The following CORO1A variants were observed in gnomAD, a reference collection of about 807,000 sequenced individuals.
The protein encoded by CORO1A is coronin-1A.
In CORO1A, 17 loss-of-function variants were observed where a neutral mutation model predicts 44.1. The observed-to-expected ratio is 0.39, with a 90% CI of 0.26 to 0.58. The LOEUF (loss-of-function observed/expected upper bound fraction) is 0.58. Among genes scored for constraint, CORO1A ranks in the 20% least tolerant of loss-of-function variants. CORO1A has a pLI of 0.62. For synonymous variants in CORO1A, 271 were observed against 244.2 expected, an observed-to-expected ratio of 1.11 and a Z score of -1.02; for missense variants, 415 against 606.5, an observed-to-expected ratio of 0.68 and a Z score of 3.32.
chr16:30,187,291 C>T, intron 5 of CORO1A, 68 bp downstream of exon 5: 1 of 1,604,786 alleles, frequency 6.2e-7, no homozygotes, highest in Non-Finnish European at 8.5e-7. Flanking sequence ...ATCAGCCAGG[C>T]CCTTGGATGC....
rs771491737 is a variant in CORO1A, at chr16:30,185,272, C to A, written c.63C>A (p.Ala21=). The change falls in exon 2 of 11, where the codon GCC becomes GCA. Residue 21 remains alanine (A), a synonymous_variant. Transcript: ENST00000219150. ...ACGTGTTTGGACAGCCGGCCAAGGC[C>A]GACCAGTGCTATGAAGATGTGCGCG... is the stretch of plus-strand genomic sequence containing the variant. The part of the protein sequence containing the change: ...FRHVFGQPAK[A]DQCYEDVRVS... The A allele has an allele frequency of 2.9e-5, 47 of 1,614,092 alleles. No homozygotes were observed. Among genetic ancestry groups the A allele is most frequent in the Middle Eastern group, 1.6e-4 (1 of 6,084 alleles).
At position 30,186,699 on chromosome 16, in the gene CORO1A, C is replaced by T. The variant is rs1398159089; in HGVS notation, c.300C>T (p.Gly100=). 3.7e-6 allele frequency: 6 copies of T among 1,612,638 alleles called. No individual in the cohort carries two copies. The highest frequency in any genetic ancestry group is 5.1e-6 in the Non-Finnish European group (6 of 1,179,782). The change falls in exon 3 of 11, where the codon GGC becomes GGT. Residue 100 remains glycine (G), a synonymous_variant. Coordinates refer to ENST00000219150, the MANE Select transcript of CORO1A (RefSeq NM_007074.4). Reference sequence around the variant, plus strand: ...ACAATGACAACGTCATTGCCAGTGGCTCCGAGGACTGCACAGTCATGGTGA... The same window carrying T: ...ACAATGACAACGTCATTGCCAGTGGTTCCGAGGACTGCACAGTCATGGTGA... ...CPHNDNVIAS[G]SEDCTVMVWE... is the part of the protein sequence containing the mutation.
chr16:30,185,977 T>A (rs2151062086), intron 2 of CORO1A: 1 of 195,224 alleles, frequency 5.1e-6, no homozygotes, highest in Non-Finnish European at 1.1e-5. Flanking sequence ...CCCAAGTTGT[T>A]ACCTTAAAAG....
At chr16:30,188,641 C>T in intron 10 of CORO1A, 65 bp downstream of exon 10, 1 of 1,215,466 alleles carries the variant, frequency 8.2e-7, no homozygotes, top group Non-Finnish European at 1.2e-6. Flanking sequence ...GTTTGGGGCA[C>T]CTCAAACTCA....
chr16:30,185,268 A>T lies in CORO1A; in HGVS notation c.59A>T (p.Lys20Met). 1 of 1,614,196 alleles carries T rather than the reference A, an allele frequency of 6.2e-7. No individual in the cohort carries two copies. The highest frequency in any genetic ancestry group is 8.5e-7 in the Non-Finnish European group (1 of 1,180,022). The stretch of plus-strand genomic sequence containing the variant: ...CGCCACGTGTTTGGACAGCCGGCCA[A>T]GGCCGACCAGTGCTATGAAGATGTG... ...KFRHVFGQPA[K>M]ADQCYEDVRV... The change falls in exon 2 of 11, where the codon AAG (lysine) becomes ATG (methionine). Residue 20 changes from lysine to methionine, a missense_variant. Physicochemically the swap from Lys to Met is moderately conservative, Grantham distance 95. Transcript: ENST00000219150.
chr16:30,187,013 C>T (rs1809405132), intron 4 of CORO1A, 26 bp from the exon 5 acceptor site: 1 of 1,613,700 alleles, frequency 6.2e-7, no homozygotes, highest in South Asian at 1.1e-5. Context: ...AGGCTCATGG[C>T]TTCTGACACT....
chr16:30,186,745 G>T, intron 3 of CORO1A, 25 bp downstream of exon 3: 1 of 1,610,428 alleles, frequency 6.2e-7, no homozygotes, highest in African/African-American at 1.3e-5. Context: ...GGACCCAGGG[G>T]CTGGGAGAGG....
chr16:30,187,512 G>C lies in CORO1A; in HGVS notation c.756+11G>C, dbSNP rs760892904. On this transcript the variant is annotated intron_variant, in intron 6 of 10. Transcript: ENST00000219150. ...GCGCTGTGGGACACAGTGAGTGCTGGGGCAGGAAGCCGAGGGCCCCCAGGC... is the reference window on the plus strand; with the variant it reads ...GCGCTGTGGGACACAGTGAGTGCTGCGGCAGGAAGCCGAGGGCCCCCAGGC... 5 of 1,600,674 alleles carry C rather than the reference G, an allele frequency of 3.1e-6. No individual in the cohort carries two copies. In the South Asian group the frequency reaches 3.3e-5, roughly 11 times the overall value.
At chr16:30,188,642 C>T (rs2073379933) in intron 10 of CORO1A, 66 bp downstream of exon 10, 1 of 1,199,582 alleles carries the variant, frequency 8.3e-7, no homozygotes, top group Non-Finnish European at 1.2e-6. Flanking sequence ...TTTGGGGCAC[C>T]TCAAACTCAC....
chr16:30,184,913 A>G lies in CORO1A; in HGVS notation c.-1-296A>G, dbSNP rs1439242898. The G allele has an allele frequency of 3.8e-6, 2 of 526,286 alleles. No homozygotes were observed. Among genetic ancestry groups the G allele is most frequent in the Non-Finnish European group, 6.9e-6 (2 of 289,976 alleles). The allele number at this position is 526,286 out of a possible 1,614,324, so 32.6% of individuals were successfully genotyped here. On this transcript the variant is annotated intron_variant, in intron 1 of 10. Coordinates refer to ENST00000219150, the MANE Select transcript of CORO1A (RefSeq NM_007074.4). The surrounding 1 kb of genome is among the most constrained non-coding windows in gnomAD (Gnocchi z 4.3). ...TCTGCATCCATCAGCCAGTCAGTCA[A>G]CAAACATGCAGTGGGGCAACACCAC...
In CORO1A at chr16:30,186,670, C is replaced by G; in HGVS notation, c.271C>G (p.Pro91Ala). ...CCCTGTGCTAGACATCGCCTGGTGC[C>G]CGCACAATGACAACGTCATTGCCAG... is the stretch of plus-strand genomic sequence containing the variant. ...TAPVLDIAWCPHNDNVIASGS... is the reference protein window; with the variant it reads ...TAPVLDIAWCAHNDNVIASGS... Residue 91 changes from proline to alanine, a missense_variant, in exon 3 of 11, where the codon CCG becomes GCG. Pro to Ala is a conservative substitution (Grantham distance 27). This residue lies in a region of CORO1A where 325 missense variants were observed against 521.7 expected (regional missense o/e 0.62). Transcript: ENST00000219150. The G allele has an allele frequency of 6.2e-7, 1 of 1,613,296 alleles. No homozygotes were observed. Among genetic ancestry groups the G allele is most frequent in the Non-Finnish European group, 8.5e-7 (1 of 1,179,894 alleles).
chr16:30,188,617 G>A (rs1226323586), intron 10 of CORO1A, 41 bp downstream of exon 10: 10 of 1,223,344 alleles, frequency 8.2e-6, no homozygotes, highest in Non-Finnish European at 1.2e-5. Flanking sequence ...CTGGGAGGGT[G>A]GGGTGGGGCT....
In CORO1A at chr16:30,184,275, C is replaced by G. The variant is rs2073307782; in HGVS notation, c.-2+550C>G. 6.6e-6 allele frequency: 1 copy of G among 151,732 alleles called. No individual in the cohort carries two copies. Among genetic ancestry groups the G allele is most frequent in the African/African-American group, 2.4e-5 (1 of 41,130 alleles). 9.4% of individuals were successfully genotyped at this position (151,732 alleles called of 1,614,324 possible). A position where few individuals can be genotyped will look rare whatever the true frequency, so the allele number is the denominator to read the frequency against. On this transcript the variant is annotated intron_variant, in intron 1 of 10. Transcript: ENST00000219150. The surrounding 1 kb of genome is among the most constrained non-coding windows in gnomAD (Gnocchi z 4.3). ...GGCTCTTCACATACGCTCCTCACCG[C>G]TCTTTGGGCAGGCCGACCTAGCAGC...
chr16:30,188,321 G>A (rs1346928655), intron 9 of CORO1A, 40 bp from the exon 10 acceptor site: 1 of 1,612,368 alleles, frequency 6.2e-7, no homozygotes, highest in Non-Finnish European at 8.5e-7. Context: ...GGGTGTCCTG[G>A]CATAAGCGCT....
chr16:30,185,281 C>T lies in CORO1A; in HGVS notation c.72C>T (p.Cys24=). 1 of 1,614,222 alleles carries T rather than the reference C, an allele frequency of 6.2e-7. No homozygotes were observed. The highest frequency in any genetic ancestry group is 8.5e-7 in the Non-Finnish European group (1 of 1,180,026). The change falls in exon 2 of 11, where the codon TGC becomes TGT. Residue 24 remains cysteine (C), a synonymous_variant. Transcript: ENST00000219150. ...VFGQPAKADQ[C]YEDVRVSQTT... ...GACAGCCGGCCAAGGCCGACCAGTGCTATGAAGATGTGCGCGTCTCACAGA... is the reference window on the plus strand; with the variant it reads ...GACAGCCGGCCAAGGCCGACCAGTGTTATGAAGATGTGCGCGTCTCACAGA...
chr16:30,185,724 T>A, intron 2 of CORO1A: 8 of 417,340 alleles, frequency 1.9e-5, no homozygotes, highest in Non-Finnish European at 2.2e-5. Flanking sequence ...GGGGTTGGGA[T>A]GGGGTCTGGG....
Position 30,187,181 on chromosome 16 carries a change from G to A in CORO1A, c.594G>A (p.Lys198=). Residue 198 remains lysine, a synonymous_variant, in exon 5 of 11, where the codon AAG becomes AAA. Coordinates refer to ENST00000219150, the MANE Select transcript of CORO1A (RefSeq NM_007074.4). ...GGLICTSCRD[K]RVRIIEPRKG... ...TCATTTGTACCTCCTGCCGTGACAAGCGCGTGCGCATCATCGAGCCCCGCA... is the reference window on the plus strand; with the variant it reads ...TCATTTGTACCTCCTGCCGTGACAAACGCGTGCGCATCATCGAGCCCCGCA... The A allele has an allele frequency of 3.1e-6, 5 of 1,613,742 alleles. No homozygotes were observed. In the African/African-American group the frequency reaches 4.0e-5, roughly 13 times the overall value.
At position 30,188,262 on chromosome 16, in the gene CORO1A, C is replaced by G. The variant is rs202094775; in HGVS notation, c.1065+13C>G. ...AGTGCCTCGAAAGGTGATGCTCCCC[C>G]GCCCCACCCTGGGCTCCAGGCTGGG... On this transcript the variant is annotated intron_variant, in intron 9 of 10. Coordinates refer to ENST00000219150, the MANE Select transcript of CORO1A (RefSeq NM_007074.4). 35 of 1,613,446 alleles carry G rather than the reference C, an allele frequency of 2.2e-5. No individual in the cohort carries two copies. The East Asian group carries it at 7.8e-4, about 36-fold the overall frequency.
At chr16:30,188,168 C>T (rs563800857) in intron 8 of CORO1A, 24 bp from the exon 9 acceptor site, 27 of 1,613,792 alleles carry the variant, frequency 1.7e-5, no homozygotes, top group Admixed American at 1.2e-4. Flanking sequence ...ACTGTGGGCC[C>T]CGCTCACCTT....
Sources: allele counts gnomAD v4.1 joint callset, GRCh38; gene constraint gnomAD v4.1.1; regional missense constraint gnomAD v4.1.1; non-coding constraint Gnocchi (gnomAD v3.1); transcripts MANE v1.5; gene names NCBI Gene and HGNC (gene_info 2026-07-23, HGNC 2026-07-21).